ERCC3: variants seen among roughly 807,000 people sequenced by gnomAD.
The protein encoded by ERCC3 is ERCC excision repair 3, TFIIH core complex helicase subunit.
A neutral mutation model predicts 94.2 loss-of-function variants in ERCC3; 66 were observed. The observed-to-expected ratio is 0.70, with a 90% CI of 0.57 to 0.86. ERCC3 has a LOEUF of 0.86. Ranked by LOEUF, ERCC3 falls within the 40% of genes least tolerant of loss-of-function variation. The pLI is 0.00. For synonymous variants in ERCC3, 349 were observed against 369.1 expected, an observed-to-expected ratio of 0.95 and a Z score of 0.63; for missense variants, 829 against 987.1, an observed-to-expected ratio of 0.84 and a Z score of 2.15.
At chr2:127,289,629 G>C in intron 5 of ERCC3, 60 bp downstream of exon 5, 2 of 1,609,606 alleles carry the variant, frequency 1.2e-6, no homozygotes, top group Non-Finnish European at 1.7e-6. Flanking sequence ...AAAGACACCT[G>C]AGAGAACTGA....
intron 8 of ERCC3, chr2:127,281,097 T>A: frequency 2.4e-6 from 1 of 409,296 alleles, no homozygotes; most frequent in East Asian, 3.5e-5. Context: ...CAATTTGAAA[T>A]ACAACCTGCA....
rs776739054 is a variant in ERCC3, at chr2:127,272,873, T to C, written c.1819A>G (p.Ile607Val). Residue 607 changes from isoleucine (I) to valine (V), a missense_variant, in exon 11 of 15, where the codon ATA becomes GTA. By Grantham distance (29) the Ile-to-Val change is conservative. Transcript: ENST00000285398. ...CCATATGCCACACAAACCTTGGATA[T>C]GAAGATGGTGTTAATTTTGGGGTTG... ...KHNPKINTIF[I>V]SKVGDTSFDL... 2 of 1,611,328 alleles carry C rather than the reference T, an allele frequency of 1.2e-6. No homozygotes were observed. The highest frequency in any genetic ancestry group is 1.7e-6 in the Non-Finnish European group (2 of 1,177,634).
Position 127,261,344 on chromosome 2 carries a change from T to A in ERCC3, c.1948A>T (p.Met650Leu), listed in dbSNP as rs752950326. 5 of 1,576,356 alleles carry A rather than the reference T, an allele frequency of 3.2e-6. No individual in the cohort carries two copies. The African/African-American group carries it at 6.8e-5, about 21-fold the overall frequency. ...AAGGCATTGTACTCTTCTGCAACCA[T>A]CCCTGCAGGAAAAAATGAGAAACGG... ...LGRVLRAKKGMVAEEYNAFFY... is the reference protein window; with the variant it reads ...LGRVLRAKKGLVAEEYNAFFY... Residue 650 changes from methionine to leucine, a missense_variant and splice_region_variant, in exon 13 of 15, where the codon ATG (methionine) becomes TTG (leucine). Physicochemically the swap from Met to Leu is conservative, Grantham distance 15. Transcript: ENST00000285398.
rs767507847 is a variant in ERCC3 at position 127,292,827 on chromosome 2, A to C, written c.254T>G (p.Phe85Cys). ...PLWVAPDGHI[F>C]LEAFSPVYKY... is the part of the protein sequence containing the mutation. ...GTAAACTGGAGAGAAGGCTTCCAAG[A>C]AGATATGGCCATCGGGAGCCTGAGA... The change falls in exon 3 of 15, where the codon TTC becomes TGC. Residue 85 changes from phenylalanine to cysteine, a missense_variant. Phe to Cys is a radical substitution (Grantham distance 205). Transcript: ENST00000285398. 24 of 1,612,604 alleles carry C rather than the reference A, an allele frequency of 1.5e-5. No individual in the cohort carries two copies. In the Admixed American group the frequency reaches 1.8e-4, roughly 12 times the overall value.
chr2:127,288,952 G>T, intron 6 of ERCC3, 88 bp from the exon 7 acceptor site: 1 of 1,110,222 alleles, frequency 9.0e-7, no homozygotes, highest in Non-Finnish European at 1.4e-6. Context: ...GGTCAAAAAA[G>T]TGGCATTCTA....
intron 10 of ERCC3, among the ~76,000 whole-genome samples, chr2:127,278,485 G>T (rs1021499989): frequency 2.6e-5 from 4 of 152,202 alleles, no homozygotes; most frequent in Admixed American, 2.6e-4. Flanking sequence ...TCTATAAAAT[G>T]GGAACAACAT....
chr2:127,293,885 C>T, intron 1 of ERCC3, 167 bp from the exon 2 acceptor site: 1 of 1,528,886 alleles, frequency 6.5e-7, no homozygotes. Flanking sequence ...GTTCGCTGGG[C>T]TGCGCCCAGG....
At chr2:127,263,832 C>CT (rs1201554138) in intron 12 of ERCC3, among the ~76,000 whole-genome samples, 3 of 151,934 alleles carry the variant, frequency 2.0e-5, no homozygotes, top group Admixed American at 6.6e-5. Flanking sequence ...TTCAGCCTCC[C>CT]AAGTAGCTGG....
chr2:127,263,324 A>G (rs991738556), intron 12 of ERCC3, among the ~76,000 whole-genome samples: 9 of 152,134 alleles, frequency 5.9e-5, no homozygotes, highest in South Asian at 2.1e-4. Flanking sequence ...TCTGTCACCT[A>G]TGATTTATTT....
At chr2:127,285,381 G>A (rs537513491) in intron 8 of ERCC3, among the ~76,000 whole-genome samples, 7 of 152,252 alleles carry the variant, frequency 4.6e-5, no homozygotes, top group Admixed American at 6.5e-5. Context: ...CTAACATGGC[G>A]AAACCCTTTC....
rs570797582 is a variant in ERCC3 at position 127,275,078 on chromosome 2, C to G, written c.1731-2117G>C. On this transcript the variant is annotated intron_variant, in intron 10 of 14. Coordinates refer to ENST00000285398, the MANE Select transcript of ERCC3 (RefSeq NM_000122.2). Reference sequence around the variant, plus strand: ...CACACTGCCATATAACCCTAAGCCTCTCTTGCAAAGTGCTTTGGTGATACC... The same window carrying G: ...CACACTGCCATATAACCCTAAGCCTGTCTTGCAAAGTGCTTTGGTGATACC... Among the ~76,000 whole-genome samples the G allele has an allele frequency of 2.0e-5, 3 of 152,340 alleles. No homozygotes were observed. The East Asian group carries it at 5.8e-4, about 29-fold the overall frequency.
chr2:127,293,762 G>A (rs1305889350), intron 1 of ERCC3, 44 bp from the exon 2 acceptor site: 64 of 1,604,984 alleles, frequency 4.0e-5, no homozygotes, highest in Non-Finnish European at 5.4e-5. Flanking sequence ...GGAGCCTTCA[G>A]GGTTCCCTCC....
intron 11 of ERCC3, among the ~76,000 whole-genome samples, chr2:127,272,290 G>C (rs1684583580): frequency 2.0e-5 from 3 of 152,164 alleles, no homozygotes; most frequent in Admixed American, 2.0e-4. Flanking sequence ...CTCCCAAAGT[G>C]CTGGGATTAC....
rs778607902 is a variant in ERCC3, at chr2:127,292,760, C to A, written c.321G>T (p.Val107=). 1 of 1,613,924 alleles carries A rather than the reference C, an allele frequency of 6.2e-7. No homozygotes were observed. The highest frequency in any genetic ancestry group is 1.1e-5 in the South Asian group (1 of 91,082). ...QDFLVAIAEP[V]CRPTHVHEYK... is the part of the protein sequence containing the mutation. Reference sequence around the variant, plus strand: ...ACTCATGCACATGGGTTGGTCGGCACACTGGCTCTGCAATAGCCACCAAGA... The same window carrying A: ...ACTCATGCACATGGGTTGGTCGGCAAACTGGCTCTGCAATAGCCACCAAGA... Residue 107 remains valine (V), a synonymous_variant, in exon 3 of 15, where the codon GTG becomes GTT. Transcript: ENST00000285398.
chr2:127,281,420 A>G (rs1430389053), intron 8 of ERCC3, among the ~76,000 whole-genome samples: 1 of 152,144 alleles, frequency 6.6e-6, no homozygotes, highest in Non-Finnish European at 1.5e-5. Flanking sequence ...GAACATTATA[A>G]TTCTCTCTGG....
chr2:127,288,627 C>G, intron 7 of ERCC3, 33 bp downstream of exon 7: 1 of 1,584,542 alleles, frequency 6.3e-7, no homozygotes, highest in South Asian at 1.1e-5. Flanking sequence ...GACACAACAG[C>G]CTGACCACCT....
At chr2:127,289,290 T>C in intron 6 of ERCC3, 47 bp downstream of exon 6, 1 of 1,575,728 alleles carries the variant, frequency 6.3e-7, no homozygotes, top group Non-Finnish European at 8.7e-7. Flanking sequence ...GACTAGCTTC[T>C]AACAGCAGCT....
Position 127,272,980 on chromosome 2 carries a change from G to A in ERCC3, c.1731-19C>T. The A allele has an allele frequency of 6.9e-7, 1 of 1,448,108 alleles. No homozygotes were observed. Among genetic ancestry groups the A allele is most frequent in the Non-Finnish European group, 9.7e-7 (1 of 1,028,834 alleles). The allele number at this position is 1,448,108 out of a possible 1,614,324, so 89.7% of individuals were successfully genotyped here. On this transcript the variant is annotated intron_variant, in intron 10 of 14. Coordinates refer to ENST00000285398, the MANE Select transcript of ERCC3 (RefSeq NM_000122.2). The stretch of plus-strand genomic sequence containing the variant: ...ATAGGGTCTAGAGAAGAATGAAGCT[G>A]TGTTAGACCACAGAATAATGCCTCA...
chr2:127,287,887 TCAAG>T (rs893479214), intron 7 of ERCC3, among the ~76,000 whole-genome samples: 8 of 151,982 alleles, frequency 5.3e-5, no homozygotes, highest in Non-Finnish European at 1.2e-4. Flanking sequence ...AAGAGAAAAA[TCAAG>T]CTTTTCCATT....
Sources: allele counts gnomAD v4.1 joint callset (sites outside exome capture counted in the v4.1 genomes callset), GRCh38; gene constraint gnomAD v4.1.1; transcripts MANE v1.5; gene names NCBI Gene and HGNC (gene_info 2026-07-23, HGNC 2026-07-21).